PCDH9: variants seen among roughly 807,000 people sequenced by gnomAD.
PCDH9 encodes protocadherin 9.
In PCDH9, 24 loss-of-function variants were observed where a neutral mutation model predicts 70.6. The ratio of observed to expected loss-of-function variants is 0.34; its 90% CI spans 0.25 to 0.48. The LOEUF (loss-of-function observed/expected upper bound fraction) is 0.48, where lower values mean the gene tolerates loss of function less well. PCDH9 is among the 20% of genes least tolerant of loss of function. The pLI is 0.99. For missense variants in PCDH9, 1,281 were observed against 1,503.6 expected (o/e 0.85, Z 2.45); for synonymous variants, 562 against 558.5 (o/e 1.01, Z -0.09).
chr13:66,556,302 A>G (rs529985206), intron 4 of PCDH9, among the ~76,000 whole-genome samples: 2 of 152,120 alleles, frequency 1.3e-5, no homozygotes, highest in South Asian at 4.2e-4. Context: ...TTTCTCCCAG[A>G]GCATGAGTGT....
chr13:67,007,573 T>C (rs9529167), intron 2 of PCDH9, among the ~76,000 whole-genome samples: 14,505 of 152,226 alleles, frequency 0.095, 771 homozygotes, highest in Non-Finnish European at 0.12. Flanking sequence ...GCATGGGATA[T>C]AGAGGAGTAA....
chr13:66,349,743 G>A (rs976929485), intron 4 of PCDH9, among the ~76,000 whole-genome samples: 2 of 152,148 alleles, frequency 1.3e-5, no homozygotes, highest in African/African-American at 2.4e-5. Context: ...AGAAAAGGTA[G>A]CAGAAGGAAA....
intron 2 of PCDH9, among the ~76,000 whole-genome samples, chr13:67,198,044 T>C (rs2089117727): frequency 6.6e-6 from 1 of 151,566 alleles, no homozygotes; most frequent in South Asian, 2.1e-4. Context: ...ATATTTACAC[T>C]AAAAATAGCA....
At chr13:66,332,321 A>G (rs550304939) in intron 4 of PCDH9, among the ~76,000 whole-genome samples, 1 of 152,294 alleles carries the variant, frequency 6.6e-6, no homozygotes, top group African/African-American at 2.4e-5. Context: ...GAGGTCTTCA[A>G]TCAGCTCTGA....
At chr13:66,685,915 AG>A (rs1488430052) in intron 3 of PCDH9, among the ~76,000 whole-genome samples, 1 of 152,304 alleles carries the variant, frequency 6.6e-6, no homozygotes, top group Middle Eastern at 3.4e-3. Flanking sequence ...CATTGTATCT[AG>A]GAAGTAACTA....
At chr13:66,728,611 A>T (rs1264988194) in intron 3 of PCDH9, among the ~76,000 whole-genome samples, 1 of 152,090 alleles carries the variant, frequency 6.6e-6, no homozygotes, top group Non-Finnish European at 1.5e-5. Context: ...CATTTACCTA[A>T]CTTTAATCTC....
intron 4 of PCDH9, among the ~76,000 whole-genome samples, chr13:66,622,153 C>A (rs1351505947): frequency 6.6e-6 from 1 of 152,210 alleles, no homozygotes; most frequent in African/African-American, 2.4e-5. Context: ...GCACTGCACT[C>A]GATTTGTCAC....
At chr13:66,641,624 G>A (rs1230049418) in intron 3 of PCDH9, among the ~76,000 whole-genome samples, 1 of 152,120 alleles carries the variant, frequency 6.6e-6, no homozygotes, top group African/African-American at 2.4e-5. Flanking sequence ...ATATGGAAGG[G>A]ACTGTCTCTA....
chr13:66,637,710 G>A (rs1473696405), intron 3 of PCDH9, among the ~76,000 whole-genome samples: 6 of 151,858 alleles, frequency 4.0e-5, no homozygotes, highest in South Asian at 2.1e-4. Context: ...TCAGGATATC[G>A]AGACCATGCT....
chr13:66,777,229 T>A (rs1392897165), intron 3 of PCDH9, among the ~76,000 whole-genome samples: 2 of 151,972 alleles, frequency 1.3e-5, no homozygotes, highest in Non-Finnish European at 2.9e-5. Context: ...GGCAAGGACT[T>A]CATGTCTAAA....
intron 2 of PCDH9, chr13:67,001,725 AC>A (rs2084249218): frequency 6.6e-6 from 1 of 152,244 alleles, no homozygotes; most frequent in Admixed American, 6.5e-5. Context: ...AATCCCAGGT[AC>A]CCCGCTTAAG....
chr13:66,455,904 A>T (rs1468902905), intron 4 of PCDH9, among the ~76,000 whole-genome samples: 2 of 152,126 alleles, frequency 1.3e-5, no homozygotes, highest in East Asian at 3.9e-4. Flanking sequence ...GTCTAAAGGT[A>T]AGAGATTCAT....
At chr13:66,531,808 T>C (rs1473675233) in intron 4 of PCDH9, among the ~76,000 whole-genome samples, 2 of 152,166 alleles carry the variant, frequency 1.3e-5, no homozygotes, top group East Asian at 3.8e-4. Context: ...GATTTTAAGG[T>C]AGATTTCCAC....
At chr13:66,817,958 G>A (rs1360997949) in intron 3 of PCDH9, among the ~76,000 whole-genome samples, 1 of 152,106 alleles carries the variant, frequency 6.6e-6, no homozygotes, top group Admixed American at 6.6e-5. Flanking sequence ...ATAAATATTT[G>A]ATCCCAAGAA....
intron 3 of PCDH9, among the ~76,000 whole-genome samples, chr13:66,839,811 T>C (rs1010440771): frequency 6.6e-6 from 1 of 152,166 alleles, no homozygotes; most frequent in Non-Finnish European, 1.5e-5. Flanking sequence ...TCAATTATTT[T>C]TCACTGCCAC....
intron 2 of PCDH9, among the ~76,000 whole-genome samples, chr13:66,990,626 A>T (rs1368415554): frequency 1.3e-5 from 2 of 150,036 alleles, no homozygotes; most frequent in African/African-American, 2.4e-5. Flanking sequence ...CATATATATA[A>T]AAACATGTAT....
At chr13:66,707,138 C>T (rs897921120) in intron 3 of PCDH9, among the ~76,000 whole-genome samples, 1 of 152,122 alleles carries the variant, frequency 6.6e-6, no homozygotes, top group African/African-American at 2.4e-5. Context: ...AAACCATTCA[C>T]GTGAAAGAGG....
At chr13:66,901,988 GTACTATT>G (rs1484155254) in intron 3 of PCDH9, among the ~76,000 whole-genome samples, 1 of 151,520 alleles carries the variant, frequency 6.6e-6, no homozygotes, top group African/African-American at 2.4e-5. Context: ...GTAGGGTTTT[GTACTATT>G]TACCTTAATC....
intron 2 of PCDH9, among the ~76,000 whole-genome samples, chr13:67,082,887 T>G (rs2086014002): frequency 6.6e-6 from 1 of 152,158 alleles, no homozygotes; most frequent in Admixed American, 6.6e-5. Flanking sequence ...TAAATAAAAA[T>G]AATAGCAAAC....
Sources: allele counts gnomAD v4.1 joint callset (sites outside exome capture counted in the v4.1 genomes callset), GRCh38; gene constraint gnomAD v4.1.1; transcripts MANE v1.5; gene names NCBI Gene and HGNC (gene_info 2026-07-23, HGNC 2026-07-21).